STK10: variants seen among roughly 807,000 people sequenced by gnomAD.
STK10 encodes the protein serine/threonine-protein kinase 10.
In STK10, 78 loss-of-function variants were observed where a neutral mutation model predicts 113.8. The ratio of observed to expected loss-of-function variants is 0.69; its 90% CI spans 0.57 to 0.83. The LOEUF (loss-of-function observed/expected upper bound fraction) is 0.83, where lower values mean the gene tolerates loss of function less well. Ranked by LOEUF, STK10 falls within the 40% of genes least tolerant of loss-of-function variation. The probability of loss-of-function intolerance (pLI) is 0.00; values close to 1 mark genes in which losing one functional copy is unlikely to be tolerated. For missense variants in STK10, 1,109 were observed against 1,280.1 expected (o/e 0.87, Z 2.04); for synonymous variants, 465 against 494.7 (o/e 0.94, Z 0.80).
intron 1 of STK10, among the ~76,000 whole-genome samples, chr5:172,158,199 G>A (rs1770393732): frequency 5.3e-5 from 8 of 152,122 alleles, no homozygotes; most frequent in Admixed American, 4.6e-4. Context: ...TGCAGCCAGT[G>A]TGGAAAACAG....
intron 7 of STK10, among the ~76,000 whole-genome samples, chr5:172,097,343 A>C (rs1003473312): frequency 6.6e-6 from 1 of 152,182 alleles, no homozygotes; most frequent in Non-Finnish European, 1.5e-5. Flanking sequence ...CCCAGCCTCA[A>C]TGACTTTTTA....
intron 12 of STK10, among the ~76,000 whole-genome samples, chr5:172,072,599 G>A (rs28874072): frequency 0.17 from 25,118 of 152,010 alleles, 2,284 homozygotes; most frequent in African/African-American, 0.23. Flanking sequence ...CAGCTTCTGC[G>A]TCTGTATAAA....
At chr5:172,096,177 T>A (rs974152918) in intron 8 of STK10, among the ~76,000 whole-genome samples, 1 of 152,224 alleles carries the variant, frequency 6.6e-6, no homozygotes, top group Non-Finnish European at 1.5e-5. Context: ...GAAGATTTCA[T>A]GTGAAAATCT....
intron 4 of STK10, among the ~76,000 whole-genome samples, chr5:172,114,111 C>A (rs1769309921): frequency 1.3e-5 from 2 of 152,110 alleles, no homozygotes; most frequent in South Asian, 4.1e-4. Context: ...AAGTAATGCA[C>A]AGAAGGTCAC....
At chr5:172,174,234 C>T (rs1471283593) in intron 1 of STK10, among the ~76,000 whole-genome samples, 1 of 152,098 alleles carries the variant, frequency 6.6e-6, no homozygotes, top group Non-Finnish European at 1.5e-5. Context: ...TGCAGTGGCG[C>T]AATCTCAGCT....
intron 14 of STK10, 87 bp downstream of exon 14, chr5:172,061,052 G>A: frequency 6.7e-7 from 1 of 1,489,688 alleles, no homozygotes; most frequent in Non-Finnish European, 8.9e-7. Context: ...AGGCCTGGGA[G>A]GTTCTTGTTG....
intron 2 of STK10, among the ~76,000 whole-genome samples, chr5:172,139,721 G>T (rs1769935648): frequency 6.6e-6 from 1 of 151,866 alleles, no homozygotes. Flanking sequence ...AAAGTGAAGT[G>T]TTAAACTTAA....
chr5:172,103,016 G>A lies in STK10; in HGVS notation c.870+2640C>T, dbSNP rs140916820. Among the ~76,000 whole-genome samples the A allele has an allele frequency of 2.9e-3, 445 of 152,306 alleles. 1 individual carries two copies. Among genetic ancestry groups the A allele is most frequent in the African/African-American group, 0.01 (432 of 41,578 alleles). On this transcript the variant is annotated intron_variant, in intron 7 of 18. Coordinates refer to ENST00000176763, the MANE Select transcript of STK10 (RefSeq NM_005990.4). Reference sequence around the variant, plus strand: ...CCAAAGAATGTCTGCAGGAGTCAATGAATGAATCACAAACCAATGGGGGCG... The same window carrying A: ...CCAAAGAATGTCTGCAGGAGTCAATAAATGAATCACAAACCAATGGGGGCG...
intron 2 of STK10, among the ~76,000 whole-genome samples, chr5:172,141,607 G>T (rs910258601): frequency 8.0e-5 from 12 of 150,666 alleles, no homozygotes; most frequent in African/African-American, 1.2e-4. Flanking sequence ...AAATTTAAAA[G>T]AGAGAAAAAT....
intron 7 of STK10, 158 bp downstream of exon 7, chr5:172,105,498 C>A: frequency 1.4e-6 from 1 of 727,980 alleles, no homozygotes; most frequent in South Asian, 1.7e-5. Context: ...CAACACAGAG[C>A]TGGCATTCAG....
chr5:172,122,240 A>C (rs568348823), intron 3 of STK10, among the ~76,000 whole-genome samples: 1 of 152,324 alleles, frequency 6.6e-6, no homozygotes, highest in South Asian at 2.1e-4. Flanking sequence ...TAAGGTATAC[A>C]GTTTTATAAA....
intron 12 of STK10, among the ~76,000 whole-genome samples, chr5:172,069,555 G>GAGA (rs1768134882): frequency 6.6e-6 from 1 of 151,818 alleles, no homozygotes; most frequent in Non-Finnish European, 1.5e-5. Context: ...GGAGTTTGAG[G>GAGA]GCACTCTGGG....
chr5:172,145,841 G>A lies in STK10; in HGVS notation c.321+10783C>T, dbSNP rs1294122925. Among the ~76,000 whole-genome samples the A allele has an allele frequency of 2.6e-5, 4 of 152,294 alleles. No individual in the cohort carries two copies. The East Asian group carries it at 7.7e-4, about 29-fold the overall frequency. The stretch of plus-strand genomic sequence containing the variant: ...CAGAACCTGGTGTCCAGTGAGTACA[G>A]CACAGCCATTAGTAGCATGTCCATG... On this transcript the variant is annotated intron_variant, in intron 2 of 18. Transcript: ENST00000176763.
chr5:172,182,710 C>T (rs1158948218), intron 1 of STK10, among the ~76,000 whole-genome samples: 3 of 151,806 alleles, frequency 2.0e-5, no homozygotes, highest in Admixed American at 6.6e-5. Flanking sequence ...CCCACCACCA[C>T]GCCTGGCTAA....
At chr5:172,047,907 T>G (rs1767528161) in intron 18 of STK10, among the ~76,000 whole-genome samples, 1 of 146,378 alleles carries the variant, frequency 6.8e-6, no homozygotes. Context: ...GGGTTTTTTT[T>G]TTTTTTTTTT....
chr5:172,185,885 C>A (rs556616571), intron 1 of STK10, among the ~76,000 whole-genome samples: 1 of 152,192 alleles, frequency 6.6e-6, no homozygotes, highest in Non-Finnish European at 1.5e-5. Flanking sequence ...GACAGCAAGT[C>A]GGGGCAGTCC....
At chr5:172,157,497 A>G (rs530652403) in intron 1 of STK10, among the ~76,000 whole-genome samples, 1 of 152,180 alleles carries the variant, frequency 6.6e-6, no homozygotes, top group Admixed American at 6.5e-5. Context: ...CAGAGGTTGC[A>G]GTGAGCAGAG....
In STK10 at chr5:172,082,653, G is replaced by C. The variant is rs1475737448; in HGVS notation, c.1810-148C>G. On this transcript the variant is annotated intron_variant, in intron 11 of 18. Coordinates refer to ENST00000176763, the MANE Select transcript of STK10 (RefSeq NM_005990.4). This position sits in a 1 kb window ranked among gnomAD's most constrained non-coding sequence, Gnocchi z 4.3. The stretch of plus-strand genomic sequence containing the variant: ...CTACCCCGTTGCTGTGTGACCTGGG[G>C]CAAGTTACTTAGCCTGAGTCTCCAT... 2 of 1,095,098 alleles carry C rather than the reference G, an allele frequency of 1.8e-6. No individual in the cohort carries two copies. The highest frequency in any genetic ancestry group is 2.5e-6 in the Non-Finnish European group (2 of 790,242). 67.8% of individuals were successfully genotyped at this position (1,095,098 alleles called of 1,614,324 possible).
chr5:172,116,604 A>C (rs1478509714), intron 4 of STK10, among the ~76,000 whole-genome samples: 4 of 151,868 alleles, frequency 2.6e-5, no homozygotes, highest in African/African-American at 7.3e-5. Flanking sequence ...GGGGTGGTTC[A>C]CACCTGTAAT....
Sources: allele counts gnomAD v4.1 joint callset (sites outside exome capture counted in the v4.1 genomes callset), GRCh38; gene constraint gnomAD v4.1.1; non-coding constraint Gnocchi (gnomAD v3.1); transcripts MANE v1.5; gene names NCBI Gene and HGNC (gene_info 2026-07-23, HGNC 2026-07-21).